Variants in FRS2 observed in about 807,000 individuals in gnomAD.
FRS2 encodes the protein fibroblast growth factor receptor substrate 2, also known as FGFR signalling adaptor.
Under a neutral mutation model 43.9 loss-of-function variants are expected in FRS2, and 8 were observed. The observed-to-expected ratio is 0.18, with a 90% CI of 0.11 to 0.33. The LOEUF is 0.33. FRS2 is among the 10% of genes least tolerant of loss of function. FRS2 has a pLI of 1.00. For missense variants in FRS2, 534 were observed against 627.6 expected, an observed-to-expected ratio of 0.85 and a Z score of 1.59; for synonymous variants, 219 against 220.3, an observed-to-expected ratio of 0.99 and a Z score of 0.05.
At chr12:69,489,415 A>G (rs1872250776) in intron 1 of FRS2, among the ~76,000 whole-genome samples, 1 of 152,200 alleles carries the variant, frequency 6.6e-6, no homozygotes, top group Non-Finnish European at 1.5e-5. Context: ...TCCGCCTATA[A>G]TCCCAGCACT....
rs551296918 is a variant in FRS2, at chr12:69,510,968, A to G, written c.-260-19897A>G. Among the ~76,000 whole-genome samples the G allele has an allele frequency of 4.6e-5, 7 of 152,316 alleles. No homozygotes were observed. The East Asian group carries it at 9.6e-4, about 21-fold the overall frequency. ...AAATTATCTTCGTGGACAGTGTGCC[A>G]TTTAGATAATAAACTGGGAGAAGTA... is the stretch of plus-strand genomic sequence containing the variant. On this transcript the variant is annotated intron_variant, in intron 1 of 8. Coordinates refer to ENST00000549921, the MANE Select transcript of FRS2 (RefSeq NM_001278356.2).
At chr12:69,482,935 A>G (rs1871471846) in intron 1 of FRS2, among the ~76,000 whole-genome samples, 1 of 152,166 alleles carries the variant, frequency 6.6e-6, no homozygotes, top group Non-Finnish European at 1.5e-5. Context: ...AGTGCCTTGA[A>G]AGCTACATGT....
intron 1 of FRS2, among the ~76,000 whole-genome samples, chr12:69,488,750 A>G (rs1225407475): frequency 2.0e-5 from 3 of 152,230 alleles, no homozygotes; most frequent in East Asian, 3.8e-4. Flanking sequence ...CACAGAAACA[A>G]CCTTTTTCCT....
rs927546764 is a variant in FRS2, at chr12:69,478,717, C to T, written c.-261+8187C>T. Among the ~76,000 whole-genome samples the T allele has an allele frequency of 6.2e-5, 8 of 129,588 alleles. No individual in the cohort carries two copies. The East Asian group carries it at 1.9e-3, about 31-fold the overall frequency. 85.0% of individuals were successfully genotyped at this position (129,588 alleles called of 152,430 possible). On this transcript the variant is annotated intron_variant, in intron 1 of 8. Coordinates refer to ENST00000549921, the MANE Select transcript of FRS2 (RefSeq NM_001278356.2). The stretch of plus-strand genomic sequence containing the variant: ...TTACTTTTATTCTTACAAAGACATA[C>T]ATCATTATGTGTGTGTGTGTGTGTG...
At chr12:69,507,385 ATAT>A (rs937265353) in intron 1 of FRS2, among the ~76,000 whole-genome samples, 1 of 152,160 alleles carries the variant, frequency 6.6e-6, no homozygotes, top group Non-Finnish European at 1.5e-5. Flanking sequence ...AATAAGACAA[ATAT>A]TATTTTAATC....
rs1427585564 is a variant in FRS2, at chr12:69,574,110, C to T, written c.682C>T (p.Pro228Ser). The T allele has an allele frequency of 1.9e-6, 3 of 1,613,854 alleles. No homozygotes were observed. Among genetic ancestry groups the T allele is most frequent in the African/African-American group, 1.3e-5 (1 of 74,896 alleles). ...ARVSNAESST[P>S]KEEPSSIEDR... ...GGTTTCTAACGCTGAAAGCAGCACA[C>T]CAAAAGAAGAACCAAGTAGTATTGA... The change falls in exon 9 of 9, where the codon CCA becomes TCA. Residue 228 changes from proline (P) to serine (S), a missense_variant. Transcript: ENST00000549921.
intron 3 of FRS2, among the ~76,000 whole-genome samples, chr12:69,553,549 G>T (rs1290799701): frequency 6.6e-6 from 1 of 152,018 alleles, no homozygotes; most frequent in Non-Finnish European, 1.5e-5. Context: ...CCCTTCTTAT[G>T]GCTTAATGGA....
At chr12:69,540,443 A>G (rs1192369194) in intron 3 of FRS2, among the ~76,000 whole-genome samples, 1 of 152,146 alleles carries the variant, frequency 6.6e-6, no homozygotes, top group Non-Finnish European at 1.5e-5. Flanking sequence ...AAGTTGGAAT[A>G]ATTTGAAAAA....
chr12:69,528,395 T>C (rs1876467709), intron 1 of FRS2, among the ~76,000 whole-genome samples: 2 of 152,194 alleles, frequency 1.3e-5, no homozygotes, highest in African/African-American at 4.8e-5. Flanking sequence ...AACCTTATAA[T>C]ATAATCCCAA....
At chr12:69,491,458 TTTTGGTGGACATTAAGTTTGTTTCCTATC>T (rs1352504953) in intron 1 of FRS2, 1 of 152,022 alleles carries the variant, frequency 6.6e-6, no homozygotes, top group Non-Finnish European at 1.5e-5. Flanking sequence ...TAAATTCCTT[TTTTGGTGGACATTAAGTTTGTTTCCTATC>T]TTTGGTGCGT....
intron 1 of FRS2, among the ~76,000 whole-genome samples, chr12:69,511,752 A>C (rs1040945260): frequency 6.6e-5 from 10 of 152,154 alleles, no homozygotes; most frequent in Non-Finnish European, 1.0e-4. Context: ...AATTCTGTAA[A>C]TCTTGTTTCT....
rs539345874 is a variant in FRS2, at chr12:69,568,982, T to C, written c.-26-23T>C. The C allele has an allele frequency of 1.0e-4, 128 of 1,227,632 alleles. No individual in the cohort carries two copies. In the South Asian group the frequency reaches 1.5e-3, roughly 14 times the overall value. The allele number at this position is 1,227,632 out of a possible 1,614,324, so 76.0% of individuals were successfully genotyped here. On this transcript the variant is annotated intron_variant, in intron 4 of 8. Coordinates refer to ENST00000549921, the MANE Select transcript of FRS2 (RefSeq NM_001278356.2). ...TTTTGTATCCTTCATCTAATAAATTTTTCCAAATTATTTTTCATGTAGTGC... is the reference window on the plus strand; with the variant it reads ...TTTTGTATCCTTCATCTAATAAATTCTTCCAAATTATTTTTCATGTAGTGC...
At chr12:69,573,048 G>T (rs1880895359) in intron 8 of FRS2, among the ~76,000 whole-genome samples, 1 of 152,130 alleles carries the variant, frequency 6.6e-6, no homozygotes, top group Non-Finnish European at 1.5e-5. Flanking sequence ...GGCCAGGCTG[G>T]TTTTGAACTC....
chr12:69,552,000 T>C (rs1480205477), intron 3 of FRS2, among the ~76,000 whole-genome samples: 3 of 151,978 alleles, frequency 2.0e-5, no homozygotes, highest in Non-Finnish European at 4.4e-5. Flanking sequence ...ATATAAAATA[T>C]CAGTCTTAAA....
intron 1 of FRS2, among the ~76,000 whole-genome samples, chr12:69,520,427 C>G (rs1168400592): frequency 9.0e-6 from 1 of 111,584 alleles, no homozygotes; most frequent in Non-Finnish European, 1.8e-5. Flanking sequence ...GTAATTAGAT[C>G]TCATATGTCA....
At chr12:69,555,152 C>G (rs1038954356) in intron 3 of FRS2, among the ~76,000 whole-genome samples, 11 of 151,990 alleles carry the variant, frequency 7.2e-5, no homozygotes, top group African/African-American at 2.7e-4. Flanking sequence ...TCAAACAATT[C>G]TCCTGACTCA....
intron 1 of FRS2, among the ~76,000 whole-genome samples, chr12:69,505,449 A>T (rs1350046704): frequency 6.6e-6 from 1 of 152,242 alleles, no homozygotes; most frequent in Non-Finnish European, 1.5e-5. Context: ...TGGTATTCTC[A>T]TACTAGGGAA....
intron 7 of FRS2, among the ~76,000 whole-genome samples, chr12:69,571,879 CAAAACAG>C (rs1880795134): frequency 6.6e-6 from 1 of 151,832 alleles, no homozygotes; most frequent in African/African-American, 2.4e-5. Flanking sequence ...CAAAACAAAA[CAAAACAG>C]AACAAAAAAA....
intron 8 of FRS2, among the ~76,000 whole-genome samples, chr12:69,573,648 G>C (rs1473910433): frequency 6.6e-6 from 1 of 151,692 alleles, no homozygotes; most frequent in Non-Finnish European, 1.5e-5. Flanking sequence ...TTTTTAGTAG[G>C]GACGGGGTTT....
Sources: gnomAD v4.1 joint callset for allele counts (sites outside exome capture counted in the v4.1 genomes callset) on GRCh38, gnomAD v4.1.1 for gene constraint, MANE v1.5 for transcripts, NCBI Gene and HGNC (gene_info 2026-07-23, HGNC 2026-07-21) for gene names.